The following IQCH variants were observed in gnomAD, a reference collection of about 807,000 sequenced individuals.
IQCH encodes the protein IQ motif containing H, also known as IQ domain-containing protein H.
In IQCH, 98 loss-of-function variants were observed where a neutral mutation model predicts 117.0. The observed-to-expected ratio is 0.84, with a 90% CI of 0.71 to 0.99. The LOEUF (loss-of-function observed/expected upper bound fraction) is 0.99. IQCH is among the 50% of genes least tolerant of loss of function. The pLI is 0.00. For synonymous variants in IQCH, 412 were observed against 448.2 expected, an observed-to-expected ratio of 0.92 and a Z score of 1.02; for missense variants, 1,102 against 1,243.8, an observed-to-expected ratio of 0.89 and a Z score of 1.72.
At chr15:67,351,956 G>A (rs1969682654) in intron 6 of IQCH, among the ~76,000 whole-genome samples, 1 of 151,958 alleles carries the variant, frequency 6.6e-6, no homozygotes, top group African/African-American at 2.4e-5. Context: ...TGTATTTACA[G>A]TTATTCTAAT....
intron 14 of IQCH, among the ~76,000 whole-genome samples, chr15:67,415,494 G>C (rs55854539): frequency 0.44 from 66,927 of 151,560 alleles, 16,052 homozygotes; most frequent in Non-Finnish European, 0.55. Context: ...TGGATATTTC[G>C]GAAGTTATTC....
intron 1 of IQCH, among the ~76,000 whole-genome samples, chr15:67,259,668 T>TA (rs1002147534): frequency 1.1e-4 from 17 of 152,192 alleles, no homozygotes; most frequent in African/African-American, 3.9e-4. Context: ...GAGCTACAGA[T>TA]ACTAGAAGAG....
At chr15:67,324,257 TAAAAG>T (rs1968290712) in intron 4 of IQCH, among the ~76,000 whole-genome samples, 1 of 149,902 alleles carries the variant, frequency 6.7e-6, no homozygotes, top group Admixed American at 6.7e-5. Context: ...AAGCATTTCT[TAAAAG>T]AAAGCTCATG....
In IQCH at chr15:67,440,641, A is replaced by G. The variant is rs528251654; in HGVS notation, c.2505+19064A>G. 1.4e-3 allele frequency among the ~76,000 whole-genome samples: 208 copies of G among 152,368 alleles called. 1 individual carries two copies. Among genetic ancestry groups the G allele is most frequent in the South Asian group, 6.4e-3 (31 of 4,832 alleles). ...CACATGATCATCTCAATAGATGCAG[A>G]AAAAGCATTCGACAAAATCCAGCAT... On this transcript the variant is annotated intron_variant, in intron 16 of 20. Coordinates refer to ENST00000335894, the MANE Select transcript of IQCH (RefSeq NM_001031715.3).
intron 8 of IQCH, chr15:67,371,488 TAAG>T: frequency 6.3e-7 from 1 of 1,588,716 alleles, no homozygotes; most frequent in South Asian, 1.2e-5. Flanking sequence ...AAACCAGACT[TAAG>T]AATAAAAGAA....
At chr15:67,274,976 G>A (rs1229009601) in intron 3 of IQCH, among the ~76,000 whole-genome samples, 1 of 152,176 alleles carries the variant, frequency 6.6e-6, no homozygotes, top group Non-Finnish European at 1.5e-5. Context: ...GGCAATGTGG[G>A]TCAGCTGGCC....
chr15:67,260,492 A>G (rs1308391143), intron 1 of IQCH, among the ~76,000 whole-genome samples: 1 of 152,244 alleles, frequency 6.6e-6, no homozygotes, highest in Non-Finnish European at 1.5e-5. Context: ...GGGAAGACCC[A>G]GCCTGGAATG....
At chr15:67,482,754 A>G (rs2083372725) in intron 18 of IQCH, among the ~76,000 whole-genome samples, 1 of 152,196 alleles carries the variant, frequency 6.6e-6, no homozygotes, top group African/African-American at 2.4e-5. Context: ...AAAAAGATCT[A>G]TAACCTAAGA....
Position 67,465,138 on chromosome 15 carries a change from C to T in IQCH, c.2517C>T (p.Thr839=), listed in dbSNP as rs760101025. 5.0e-6 allele frequency: 8 copies of T among 1,613,734 alleles called. No homozygotes were observed. The highest frequency in any genetic ancestry group is 1.6e-4 in the Middle Eastern group (1 of 6,078). ...PSTLEQQVWA[T]GLNLAYSDQL... is the part of the protein sequence containing the mutation. Reference sequence around the variant, plus strand: ...CCTGTTTTAATCAGGTGTGGGCAACCGGCCTTAACCTCGCATATAGTGACC... The same window carrying T: ...CCTGTTTTAATCAGGTGTGGGCAACTGGCCTTAACCTCGCATATAGTGACC... The change falls in exon 17 of 21, where the codon ACC becomes ACT. Residue 839 remains threonine, a synonymous_variant. Transcript: ENST00000335894. The surrounding 1 kb of genome is among the most constrained non-coding windows in gnomAD (Gnocchi z 5.9).
chr15:67,494,146 T>G lies in IQCH; in HGVS notation c.2862-112T>G. 1.5e-6 allele frequency: 1 copy of G among 654,944 alleles called. No homozygotes were observed. The highest frequency in any genetic ancestry group is 3.0e-5 in the East Asian group (1 of 33,088). The allele number at this position is 654,944 out of a possible 1,614,324, so 40.6% of individuals were successfully genotyped here. On this transcript the variant is annotated intron_variant, in intron 19 of 20. Transcript: ENST00000335894. The surrounding 1 kb of genome is among the most constrained non-coding windows in gnomAD (Gnocchi z 5.5). The stretch of plus-strand genomic sequence containing the variant: ...CCTGAAGATTGCCACCTTGTGAGAT[T>G]GAAAATACTCATTAAATTCCATCAC...
chr15:67,354,560 A>T (rs2140726502), intron 6 of IQCH, among the ~76,000 whole-genome samples: 1 of 152,254 alleles, frequency 6.6e-6, no homozygotes, highest in East Asian at 1.9e-4. Context: ...CAAGTCAAGG[A>T]TGATCATTGT....
rs112227475 is a variant in IQCH, at chr15:67,298,075, G to C, written c.387+18563G>C. On this transcript the variant is annotated intron_variant, in intron 4 of 20. Coordinates refer to ENST00000335894, the MANE Select transcript of IQCH (RefSeq NM_001031715.3). ...TGTTATCCCAGCACTTTGGGAGGCC[G>C]AGGCGGGTGGATCTTCTGAGGTCAG... 1.1e-4 allele frequency among the ~76,000 whole-genome samples: 16 copies of C among 152,232 alleles called. 2 individuals carry two copies. The South Asian group carries it at 3.3e-3, about 32-fold the overall frequency.
In IQCH at chr15:67,314,484, G is replaced by GAAAAAAAAAAA. The variant is rs11343033; in HGVS notation, c.388-22484_388-22474dup. The stretch of plus-strand genomic sequence containing the variant: ...AACTTATCATCTCTTTGTGCTAAAT[G>GAAAAAAAAAAA]AAAAAAAAAAAAAAAAAGGAAAAGT... On this transcript the variant is annotated intron_variant, in intron 4 of 20. Transcript: ENST00000335894. 2.2e-5 allele frequency among the ~76,000 whole-genome samples: 3 copies of GAAAAAAAAAAA among 136,234 alleles called. 1 individual carries two copies. Among genetic ancestry groups the GAAAAAAAAAAA allele is most frequent in the Non-Finnish European group, 3.1e-5 (2 of 63,616 alleles). 89.4% of individuals were successfully genotyped at this position (136,234 alleles called of 152,430 possible).
At chr15:67,437,974 T>C (rs1370071835) in intron 16 of IQCH, among the ~76,000 whole-genome samples, 2 of 152,184 alleles carry the variant, frequency 1.3e-5, no homozygotes, top group Non-Finnish European at 2.9e-5. Context: ...AAAACATATT[T>C]GGGGGAATAA....
intron 4 of IQCH, among the ~76,000 whole-genome samples, chr15:67,335,284 T>C (rs1355846085): frequency 6.6e-6 from 1 of 152,230 alleles, no homozygotes; most frequent in Non-Finnish European, 1.5e-5. Context: ...CCTGCTACTT[T>C]AGCTTGTCAG....
intron 6 of IQCH, 147 bp downstream of exon 6, chr15:67,344,338 G>A (rs1358908906): frequency 1.7e-6 from 1 of 579,160 alleles, no homozygotes; most frequent in East Asian, 3.0e-5. Flanking sequence ...CATTCCCACA[G>A]TCAGCTATTT....
intron 10 of IQCH, among the ~76,000 whole-genome samples, chr15:67,378,597 A>T (rs1023539516): frequency 6.6e-6 from 1 of 151,802 alleles, no homozygotes; most frequent in African/African-American, 2.4e-5. Flanking sequence ...ATTTGTATTC[A>T]CCCATGTAAT....
Position 67,261,316 on chromosome 15 carries a change from C to T in IQCH, c.96C>T (p.Phe32=), listed in dbSNP as rs1365202381. 1 of 1,579,078 alleles carries T rather than the reference C, an allele frequency of 6.3e-7. No homozygotes were observed. The highest frequency in any genetic ancestry group is 8.6e-7 in the Non-Finnish European group (1 of 1,165,696). The change falls in exon 2 of 21, where the codon TTC becomes TTT. Residue 32 remains phenylalanine, a synonymous_variant. Transcript: ENST00000335894. ...AGTTAAAGGAGAAATTAACAAAATT[C>T]TCACCTGAGGAAAAAGGAGAGACTC... The part of the protein sequence containing the change: ...LYQLKEKLTK[F]SPEEKGETLD...
chr15:67,426,560 C>CA lies in IQCH; in HGVS notation c.2505+4992dup, dbSNP rs145784300. Among the ~76,000 whole-genome samples the CA allele has an allele frequency of 0.051, 7,433 of 145,900 alleles. 297 individuals carry two copies. Among genetic ancestry groups the CA allele is most frequent in the East Asian group, 0.17 (854 of 5,004 alleles). ...ACTATTACATATCAATAAAAAATAC[C>CA]AAAAAAAAACCCAACCTCATACTCA... On this transcript the variant is annotated intron_variant, in intron 16 of 20. Coordinates refer to ENST00000335894, the MANE Select transcript of IQCH (RefSeq NM_001031715.3). This position sits in a 1 kb window ranked among gnomAD's most constrained non-coding sequence, Gnocchi z 5.1.
Sources: gnomAD v4.1 joint callset for allele counts (sites outside exome capture counted in the v4.1 genomes callset) on GRCh38, gnomAD v4.1.1 for gene constraint, Gnocchi (gnomAD v3.1) non-coding constraint, MANE v1.5 for transcripts, NCBI Gene and HGNC (gene_info 2026-07-23, HGNC 2026-07-21) for gene names.